MYO16: variants seen among roughly 807,000 people sequenced by gnomAD.
The protein encoded by MYO16 is unconventional myosin-XVI.
In MYO16, 94 loss-of-function variants were observed where a neutral mutation model predicts 205.3. The observed-to-expected ratio is 0.46, with a 90% confidence interval of 0.39 to 0.54. The LOEUF is 0.54. Ranked by LOEUF, MYO16 falls within the 20% of genes least tolerant of loss-of-function variation. The pLI, the probability that MYO16 is intolerant of heterozygous loss-of-function variation, is 0.00. For missense variants in MYO16, 2,315 were observed against 2,387.5 expected, an observed-to-expected ratio of 0.97 and a Z score of 0.63; for synonymous variants, 988 against 954.0, an observed-to-expected ratio of 1.04 and a Z score of -0.66.
At chr13:108,627,097 T>A (rs1292379334), upstream of MYO16, among the ~76,000 whole-genome samples, 1 of 151,104 alleles carries the variant, frequency 6.6e-6, no homozygotes, top group African/African-American at 2.4e-5. Context: ...TTACCATTTT[T>A]AAAAAATTTT....
chr13:108,707,535 T>C (rs1355583937), intron 2 of MYO16, among the ~76,000 whole-genome samples: 2 of 152,172 alleles, frequency 1.3e-5, no homozygotes, highest in African/African-American at 4.8e-5. Context: ...TCCTGTGAGC[T>C]CACCCTGATT....
intron 27 of MYO16, among the ~76,000 whole-genome samples, chr13:109,087,291 T>C (rs1393439442): frequency 6.6e-6 from 1 of 152,354 alleles, no homozygotes; most frequent in Non-Finnish European, 1.5e-5. Flanking sequence ...AGTGAGTAAC[T>C]CAATATCTGA....
In MYO16 at chr13:109,141,080, C is replaced by G. The variant is rs758702351; in HGVS notation, c.4868C>G (p.Pro1623Arg). 2.7e-6 allele frequency: 4 copies of G among 1,464,674 alleles called. No homozygotes were observed. Among genetic ancestry groups the G allele is most frequent in the Admixed American group, 5.1e-5 (2 of 38,890 alleles). 90.7% of individuals were successfully genotyped at this position (1,464,674 alleles called of 1,614,324 possible). A position where few individuals can be genotyped will look rare whatever the true frequency, so the allele number is the denominator to read the frequency against. ...AHLAFPPEPAPVNAGKAGPSA... is the reference protein window; with the variant it reads ...AHLAFPPEPARVNAGKAGPSA... ...TTGGCCTTCCCGCCGGAGCCCGCCC[C>G]GGTGAACGCGGGGAAAGCGGGGCCG... The change falls in exon 32 of 35, where the codon CCG becomes CGG. Residue 1623 changes from proline (P) to arginine (R), a missense_variant. Pro to Arg is a moderately radical substitution (Grantham distance 103). This residue lies in a region of MYO16 where 1,097 missense variants were observed against 1,092.0 expected (regional missense o/e 1.00). Coordinates refer to ENST00000457511, the MANE Select transcript of MYO16 (RefSeq NM_001198950.3). This position sits in a 1 kb window ranked among gnomAD's most constrained non-coding sequence, Gnocchi z 4.1.
intron 34 of MYO16, among the ~76,000 whole-genome samples, chr13:109,202,435 T>G (rs967784491): frequency 3.3e-5 from 5 of 152,208 alleles, no homozygotes; most frequent in African/African-American, 4.8e-5. Context: ...TGGTTTTGAT[T>G]AGCATTTCCC....
intron 4 of MYO16, among the ~76,000 whole-genome samples, chr13:108,732,836 T>G (rs2139594909): frequency 6.6e-6 from 1 of 152,310 alleles, no homozygotes; most frequent in African/African-American, 2.4e-5. Flanking sequence ...GGTTGACATC[T>G]GGATATACAG....
intron 16 of MYO16, among the ~76,000 whole-genome samples, chr13:108,921,781 C>T (rs9583309): frequency 0.38 from 58,296 of 151,996 alleles, 11,521 homozygotes; most frequent in South Asian, 0.57. Flanking sequence ...TTTACTTAAT[C>T]CAGGATCTAC....
intron 21 of MYO16, among the ~76,000 whole-genome samples, chr13:108,996,532 T>G (rs1043653439): frequency 6.6e-6 from 1 of 152,228 alleles, no homozygotes; most frequent in African/African-American, 2.4e-5. Context: ...CTCTAAGTTC[T>G]TGTATCTCAG....
chr13:108,894,584 G>T (rs1280047236), intron 14 of MYO16, among the ~76,000 whole-genome samples: 1 of 152,174 alleles, frequency 6.6e-6, no homozygotes, highest in Non-Finnish European at 1.5e-5. Flanking sequence ...GTGCAGCATT[G>T]AGGTCCAGAA....
intron 19 of MYO16, among the ~76,000 whole-genome samples, chr13:108,964,543 C>G (rs1227502694): frequency 1.3e-5 from 2 of 152,152 alleles, no homozygotes; most frequent in Non-Finnish European, 2.9e-5. Context: ...CTGTGGTCAA[C>G]AATTCTAACA....
chr13:108,878,375 G>T (rs1017481258), intron 12 of MYO16, among the ~76,000 whole-genome samples: 1 of 152,138 alleles, frequency 6.6e-6, no homozygotes, highest in African/African-American at 2.4e-5. Context: ...AGTTCAGCTA[G>T]GGATGGTTGG....
chr13:108,973,931 C>T (rs1431210440), intron 20 of MYO16, among the ~76,000 whole-genome samples: 1 of 151,702 alleles, frequency 6.6e-6, no homozygotes, highest in Non-Finnish European at 1.5e-5. Flanking sequence ...TTGAAGAATT[C>T]TGCTGGCTGG....
At chr13:109,026,790 G>A (rs13379035) in intron 23 of MYO16, among the ~76,000 whole-genome samples, 2,571 of 152,172 alleles carry the variant, frequency 0.017, 75 homozygotes, top group African/African-American at 0.059. Context: ...GGCCTGATCT[G>A]AATTTCCTTG....
chr13:108,792,880 A>G (rs547500815), intron 5 of MYO16, among the ~76,000 whole-genome samples: 1 of 152,172 alleles, frequency 6.6e-6, no homozygotes, highest in Non-Finnish European at 1.5e-5. Context: ...CAGAAAAATC[A>G]AAGAGATCAA....
At chr13:109,025,474 G>A (rs1317610995) in intron 23 of MYO16, among the ~76,000 whole-genome samples, 2 of 152,236 alleles carry the variant, frequency 1.3e-5, no homozygotes, top group Middle Eastern at 3.4e-3. Flanking sequence ...GGAAGAGGCC[G>A]TACATGAAAT....
intron 12 of MYO16, among the ~76,000 whole-genome samples, chr13:108,879,857 A>G (rs138237257): frequency 0.028 from 4,213 of 152,272 alleles, 166 homozygotes; most frequent in African/African-American, 0.096. Context: ...TATGATTTAT[A>G]ATCCTTTGGG....
intron 22 of MYO16, among the ~76,000 whole-genome samples, chr13:109,011,477 CTT>C (rs775054349): frequency 3.2e-5 from 4 of 125,740 alleles, no homozygotes; most frequent in African/African-American, 5.8e-5. Flanking sequence ...TTTCTTTTTG[CTT>C]TTTTTTTTTT....
Position 109,141,530 on chromosome 13 carries a change from A to G in MYO16, c.5164+154A>G, listed in dbSNP as rs2139810790. Among the ~76,000 whole-genome samples the G allele has an allele frequency of 6.6e-6, 1 of 152,208 alleles. No homozygotes were observed. Among genetic ancestry groups the G allele is most frequent in the South Asian group, 2.1e-4 (1 of 4,814 alleles). On this transcript the variant is annotated intron_variant, in intron 32 of 34. Coordinates refer to ENST00000457511, the MANE Select transcript of MYO16 (RefSeq NM_001198950.3). This position sits in a 1 kb window ranked among gnomAD's most constrained non-coding sequence, Gnocchi z 4.1. ...GATATCAGCTTTAAAAAAAAATCGT[A>G]TACACCCACTGTGACCAAATAGGTA...
At chr13:108,964,996 C>A in intron 20 of MYO16, 94 bp downstream of exon 20, 1 of 1,273,952 alleles carries the variant, frequency 7.8e-7, no homozygotes, top group Non-Finnish European at 1.1e-6. Context: ...ACAGGGTAAC[C>A]AATAAGTTAA....
intron 27 of MYO16, among the ~76,000 whole-genome samples, chr13:109,067,596 A>G (rs1887792777): frequency 5.9e-5 from 9 of 152,204 alleles, no homozygotes; most frequent in Admixed American, 5.9e-4. Flanking sequence ...TTGCACAGGC[A>G]CATCAGGACG....
Sources: allele counts gnomAD v4.1 joint callset (sites outside exome capture counted in the v4.1 genomes callset), GRCh38; gene constraint gnomAD v4.1.1; regional missense constraint gnomAD v4.1.1; non-coding constraint Gnocchi (gnomAD v3.1); transcripts MANE v1.5; gene names NCBI Gene and HGNC (gene_info 2026-07-23, HGNC 2026-07-21).